Variants in WDR62 observed in about 807,000 individuals in gnomAD.
WDR62 encodes the protein WD repeat domain 62.
A neutral mutation model predicts 160.6 loss-of-function variants in WDR62; 112 were observed. That is an observed-to-expected ratio of 0.70 (90% CI 0.60 to 0.82). The LOEUF is 0.82. Ranked by LOEUF, WDR62 falls within the 40% of genes least tolerant of loss-of-function variation. WDR62 has a pLI of 0.00. For synonymous variants in WDR62, 792 were observed against 815.1 expected (o/e 0.97, Z 0.48); for missense variants, 1,819 against 1,983.8 (o/e 0.92, Z 1.58).
intron 7 of WDR62, among the ~76,000 whole-genome samples, chr19:36,069,279 C>G (rs572362296): frequency 3.4e-4 from 51 of 150,464 alleles, no homozygotes; most frequent in Middle Eastern, 3.5e-3. Flanking sequence ...TCAGACGGGG[C>G]GGCTGCCGGG....
chr19:36,067,130 G>A (rs1013452060), intron 5 of WDR62, among the ~76,000 whole-genome samples, 176 bp from the exon 6 acceptor site: 2 of 152,146 alleles, frequency 1.3e-5, no homozygotes, highest in East Asian at 3.9e-4. Flanking sequence ...TTCCTCTGTC[G>A]GTGAGGAATG....
intron 21 of WDR62, among the ~76,000 whole-genome samples, chr19:36,098,915 A>G (rs1260469531): frequency 6.6e-6 from 1 of 152,032 alleles, no homozygotes; most frequent in African/African-American, 2.4e-5. Flanking sequence ...GTGAGAGTCC[A>G]CCTCTACCAA....
At chr19:36,084,987 G>C (rs1003748700) in intron 12 of WDR62, among the ~76,000 whole-genome samples, 1 of 152,146 alleles carries the variant, frequency 6.6e-6, no homozygotes, top group Non-Finnish European at 1.5e-5. Flanking sequence ...AAGCCAAAGG[G>C]GTGGATGTAT....
At position 36,103,806 on chromosome 19, in the gene WDR62, C is replaced by T; in HGVS notation, c.3978C>T (p.Phe1326=). 1 of 1,608,672 alleles carries T rather than the reference C, an allele frequency of 6.2e-7. No homozygotes were observed. Residue 1326 remains phenylalanine, a synonymous_variant, in exon 30 of 32, where the codon TTC becomes TTT. Transcript: ENST00000401500. ...QPGVTVPAVS[F]PAPSPVEESA... ...GCGTCACCGTCCCTGCAGTGAGCTT[C>T]CCAGCCCCTAGCCCTGTGGAAGAGA...
At chr19:36,109,083 C>T (rs567915239), downstream of WDR62, among the ~76,000 whole-genome samples, 3 of 152,226 alleles carry the variant, frequency 2.0e-5, no homozygotes, top group East Asian at 5.8e-4. Flanking sequence ...GGCCAGCAGA[C>T]CCTCAGCACT....
At chr19:36,105,125 T>A, downstream of WDR62, 1 of 1,467,920 alleles carries the variant, frequency 6.8e-7, no homozygotes, top group South Asian at 1.2e-5. Flanking sequence ...CTGGTGTCTG[T>A]TTGGGCCTAT....
intron 3 of WDR62, 158 bp downstream of exon 3, chr19:36,060,188 C>T (rs1027821290): frequency 9.9e-5 from 75 of 758,704 alleles, no homozygotes; most frequent in Non-Finnish European, 2.3e-5. Context: ...GTTCCGTGTG[C>T]TGGGGACACA....
intron 13 of WDR62, among the ~76,000 whole-genome samples, chr19:36,088,708 G>A (rs111352805): frequency 1.3e-5 from 2 of 152,172 alleles, no homozygotes; most frequent in East Asian, 1.9e-4. Flanking sequence ...TCCACTGGTC[G>A]CTGCTGCAGT....
At position 36,103,762 on chromosome 19, in the gene WDR62, C is replaced by A; in HGVS notation, c.3934C>A (p.Pro1312Thr). Residue 1312 changes from proline (P) to threonine (T), a missense_variant, in exon 30 of 32, where the codon CCC becomes ACC. By Grantham distance (38) the Pro-to-Thr change is conservative. Transcript: ENST00000401500. ...TGCCTGTGATGGGCTCCTGCAGCCCCCCGTGGATACCCAGCCTGGCGTCAC... is the reference window on the plus strand; with the variant it reads ...TGCCTGTGATGGGCTCCTGCAGCCCACCGTGGATACCCAGCCTGGCGTCAC... ...SSACDGLLQP[P>T]VDTQPGVTVP... is the part of the protein sequence containing the mutation. The A allele has an allele frequency of 1.9e-6, 3 of 1,610,902 alleles. No homozygotes were observed. Among genetic ancestry groups the A allele is most frequent in the South Asian group, 1.1e-5 (1 of 91,068 alleles).
intron 10 of WDR62, 73 bp downstream of exon 10, chr19:36,081,643 G>A (rs1280458417): frequency 6.8e-6 from 11 of 1,606,102 alleles, no homozygotes; most frequent in Admixed American, 5.0e-5. Context: ...GCAGGGGCAG[G>A]AGAGAGTCTG....
In WDR62 at chr19:36,084,753, G is replaced by C; in HGVS notation, c.1642+9G>C. The C allele has an allele frequency of 6.2e-7, 1 of 1,612,044 alleles. No individual in the cohort carries two copies. The highest frequency in any genetic ancestry group is 8.5e-7 in the Non-Finnish European group (1 of 1,179,668). On this transcript the variant is annotated intron_variant, in intron 12 of 31. Transcript: ENST00000401500. ...CTCCAAGCCAGAGACGGGTGAGCCCGCAGCAGGGGTGGAATGGGGGTCAGG... is the reference window on the plus strand; with the variant it reads ...CTCCAAGCCAGAGACGGGTGAGCCCCCAGCAGGGGTGGAATGGGGGTCAGG...
chr19:36,057,853 A>G (rs1309667671), intron 1 of WDR62, among the ~76,000 whole-genome samples: 1 of 152,182 alleles, frequency 6.6e-6, no homozygotes, highest in East Asian at 1.9e-4. Flanking sequence ...TGATGTGGGG[A>G]AACTGTCTAC....
chr19:36,102,692 C>T, intron 26 of WDR62, 45 bp from the exon 27 acceptor site: 2 of 1,588,476 alleles, frequency 1.3e-6, no homozygotes, highest in Non-Finnish European at 1.7e-6. Context: ...GCCAGGGCTG[C>T]TCGGCGGGAA....
chr19:36,086,915 T>C, intron 13 of WDR62, 103 bp downstream of exon 13: 1 of 1,446,464 alleles, frequency 6.9e-7, no homozygotes, highest in South Asian at 1.2e-5. Context: ...AACAAGTGAA[T>C]ACAGTATCTG....
Position 36,059,990 on chromosome 19 carries a change from C to T in WDR62, c.292C>T (p.Pro98Ser). ...CAGCTGTGTGGTGGTGATTTTGGACCCCAAGGAGAACAAGCAGCAGCACAT... is the reference window on the plus strand; with the variant it reads ...CAGCTGTGTGGTGGTGATTTTGGACTCCAAGGAGAACAAGCAGCAGCACAT... ...LAGCVVVILD[P>S]KENKQQHIFN... The change falls in exon 3 of 32, where the codon CCC becomes TCC. Residue 98 changes from proline to serine, a missense_variant. Transcript: ENST00000401500. 4 of 1,614,132 alleles carry T rather than the reference C, an allele frequency of 2.5e-6. No homozygotes were observed. The highest frequency in any genetic ancestry group is 2.2e-5 in the East Asian group (1 of 44,880).
At chr19:36,061,263 A>T (rs568067711) in intron 3 of WDR62, 3 of 152,142 alleles carry the variant, frequency 2.0e-5, no homozygotes, top group Non-Finnish European at 4.4e-5. Flanking sequence ...GCTGGGTTCC[A>T]TTCCTGGCTC....
chr19:36,107,495 C>G (rs1973737280), downstream of WDR62, among the ~76,000 whole-genome samples: 1 of 151,882 alleles, frequency 6.6e-6, no homozygotes, highest in Non-Finnish European at 1.5e-5. Context: ...AGTTATTGGT[C>G]CCAGCTGCTG....
intron 1 of WDR62, 38 bp downstream of exon 1, chr19:36,055,186 CTTCCTAGGT>C: frequency 6.3e-7 from 1 of 1,579,084 alleles, no homozygotes. Context: ...CAGTTCCAGG[CTTCCTAGGT>C]TTCCCCTAGT....
chr19:36,104,240 A>G (rs1255902268), intron 30 of WDR62, among the ~76,000 whole-genome samples: 2 of 152,256 alleles, frequency 1.3e-5, no homozygotes, highest in African/African-American at 2.4e-5. Flanking sequence ...GGAACCCGTC[A>G]TATGTATCAC....
Sources: gnomAD v4.1 joint callset for allele counts (sites outside exome capture counted in the v4.1 genomes callset) on GRCh38, gnomAD v4.1.1 for gene constraint, MANE v1.5 for transcripts, NCBI Gene and HGNC (gene_info 2026-07-23, HGNC 2026-07-21) for gene names.